Variants in ASTN2 observed in about 807,000 individuals in gnomAD.
ASTN2 encodes astrotactin 2.
Under a neutral mutation model 139.8 loss-of-function variants are expected in ASTN2, and 54 were observed. The ratio of observed to expected loss-of-function variants is 0.39; its 90% CI spans 0.31 to 0.48. The LOEUF (loss-of-function observed/expected upper bound fraction) is 0.48, where lower values mean the gene tolerates loss of function less well. Among genes scored for constraint, ASTN2 ranks in the 20% least tolerant of loss-of-function variants. The pLI is 0.95. For synonymous variants in ASTN2, 756 were observed against 719.5 expected (o/e 1.05, Z -0.81); for missense variants, 1,565 against 1,725.1 (o/e 0.91, Z 1.64).
chr9:117,390,053 T>C (rs989631990), intron 1 of ASTN2, among the ~76,000 whole-genome samples: 9 of 152,030 alleles, frequency 5.9e-5, no homozygotes, highest in African/African-American at 2.2e-4. Flanking sequence ...CACTTTGGAA[T>C]CACCTAAGCC....
chr9:116,437,202 ATAAT>A, intron 22 of ASTN2: 1 of 391,652 alleles, frequency 2.6e-6, no homozygotes, highest in Non-Finnish European at 5.1e-6. Flanking sequence ...TATAATAATA[ATAAT>A]AAAAAATACC....
At chr9:117,237,627 A>G (rs1258489675) in intron 2 of ASTN2, among the ~76,000 whole-genome samples, 1 of 152,066 alleles carries the variant, frequency 6.6e-6, no homozygotes, top group Non-Finnish European at 1.5e-5. Context: ...CTACAGGTGC[A>G]TGCCATCACG....
chr9:117,360,885 T>A (rs1327811597), intron 1 of ASTN2, among the ~76,000 whole-genome samples: 1 of 152,218 alleles, frequency 6.6e-6, no homozygotes, highest in African/African-American at 2.4e-5. Context: ...TCTGGATCCC[T>A]TCTTTGCTTC....
At chr9:116,772,626 A>C (rs1438797202) in intron 13 of ASTN2, among the ~76,000 whole-genome samples, 1 of 152,140 alleles carries the variant, frequency 6.6e-6, no homozygotes, top group Admixed American at 6.5e-5. Flanking sequence ...CTGCCATGTG[A>C]ACTATTCCTT....
chr9:116,952,802 A>G (rs116565186), intron 10 of ASTN2, among the ~76,000 whole-genome samples: 2,501 of 152,308 alleles, frequency 0.016, 87 homozygotes, highest in African/African-American at 0.057. Context: ...TCCAAGCTCA[A>G]GGCTGCCTTT....
intron 13 of ASTN2, among the ~76,000 whole-genome samples, chr9:116,789,968 C>A (rs1215009308): frequency 6.9e-6 from 1 of 144,154 alleles, no homozygotes; most frequent in Non-Finnish European, 1.5e-5. Context: ...CTCTGTCACC[C>A]AGGCTAGAGT....
intron 14 of ASTN2, among the ~76,000 whole-genome samples, chr9:116,729,749 C>A (rs938567596): frequency 5.9e-5 from 9 of 152,124 alleles, no homozygotes; most frequent in Admixed American, 5.9e-4. Flanking sequence ...TATACGTATA[C>A]AGAAATAAAC....
chr9:116,532,890 C>T (rs1473660548), intron 19 of ASTN2, among the ~76,000 whole-genome samples: 1 of 152,152 alleles, frequency 6.6e-6, no homozygotes, highest in Non-Finnish European at 1.5e-5. Context: ...TTTTCCAATT[C>T]TGTGAAGAAA....
intron 4 of ASTN2, among the ~76,000 whole-genome samples, chr9:117,123,308 A>C (rs1829605697): frequency 6.6e-6 from 1 of 152,014 alleles, no homozygotes; most frequent in East Asian, 2.0e-4. Flanking sequence ...CTCAAGCAGA[A>C]GGCTTCCATG....
intron 17 of ASTN2, among the ~76,000 whole-genome samples, chr9:116,633,263 C>T (rs1460483846): frequency 6.6e-6 from 1 of 152,216 alleles, no homozygotes; most frequent in Admixed American, 6.5e-5. Context: ...CTTCCCAAGG[C>T]ATCTTGCTCT....
chr9:116,805,888 ACCAAGGC>A, intron 12 of ASTN2, 68 bp from the exon 13 acceptor site: 2 of 1,501,006 alleles, frequency 1.3e-6, no homozygotes, highest in Non-Finnish European at 9.1e-7. Context: ...GTGACCTAAA[ACCAAGGC>A]CTCCTTTCCC....
intron 10 of ASTN2, among the ~76,000 whole-genome samples, chr9:116,943,401 TTACA>T (rs1835292770): frequency 6.6e-6 from 1 of 152,186 alleles, no homozygotes; most frequent in African/African-American, 2.4e-5. Flanking sequence ...ACTAGCCTGC[TTACA>T]TAAGTATCTA....
intron 10 of ASTN2, among the ~76,000 whole-genome samples, chr9:116,883,519 A>T (rs1449098227): frequency 6.6e-6 from 1 of 152,188 alleles, no homozygotes; most frequent in Non-Finnish European, 1.5e-5. Flanking sequence ...CACTGGATAC[A>T]TTCTTGTAGA....
At chr9:116,600,273 G>A (rs887878491) in intron 19 of ASTN2, among the ~76,000 whole-genome samples, 3 of 146,954 alleles carry the variant, frequency 2.0e-5, no homozygotes, top group East Asian at 2.0e-4. Context: ...ACAGCGAGGT[G>A]TGATTGGGCC....
chr9:116,503,573 C>A (rs142861299), intron 19 of ASTN2, among the ~76,000 whole-genome samples: 20 of 152,144 alleles, frequency 1.3e-4, no homozygotes, highest in Non-Finnish European at 2.5e-4. Flanking sequence ...TTGGGTTACA[C>A]TGAATGAGTA....
At chr9:116,683,974 T>G (rs1488169187) in intron 16 of ASTN2, among the ~76,000 whole-genome samples, 3 of 152,204 alleles carry the variant, frequency 2.0e-5, no homozygotes, top group African/African-American at 7.2e-5. Flanking sequence ...CCTCAGACCT[T>G]GTCTATAGTC....
chr9:117,339,701 A>C (rs889365908), intron 1 of ASTN2, among the ~76,000 whole-genome samples: 1 of 152,112 alleles, frequency 6.6e-6, no homozygotes, highest in Non-Finnish European at 1.5e-5. Flanking sequence ...AAATGGATAC[A>C]TTAATATTGA....
chr9:117,092,080 T>G (rs571357180), intron 5 of ASTN2, among the ~76,000 whole-genome samples: 1 of 152,270 alleles, frequency 6.6e-6, no homozygotes, highest in Admixed American at 6.5e-5. Flanking sequence ...TGACTGCATT[T>G]TAAAGATGGG....
At chr9:116,934,431 A>T (rs1291443803) in intron 10 of ASTN2, among the ~76,000 whole-genome samples, 1 of 152,230 alleles carries the variant, frequency 6.6e-6, no homozygotes. Context: ...GCCCGGAAGC[A>T]TAATGAAGCT....
Sources: allele counts gnomAD v4.1 joint callset (sites outside exome capture counted in the v4.1 genomes callset), GRCh38; gene constraint gnomAD v4.1.1; transcripts MANE v1.5; gene names NCBI Gene and HGNC (gene_info 2026-07-23, HGNC 2026-07-21).